The following ANXA4 variants were observed in gnomAD, a reference collection of about 807,000 sequenced individuals.
ANXA4 encodes 35-beta calcimedin.
In ANXA4, 39 loss-of-function variants were observed where a neutral mutation model predicts 49.8. The observed-to-expected ratio is 0.78, with a 90% CI of 0.61 to 1.02. The LOEUF (loss-of-function observed/expected upper bound fraction) is 1.02. Ranked by LOEUF, ANXA4 falls within the 50% of genes least tolerant of loss-of-function variation. The probability of loss-of-function intolerance (pLI) is 0.00; values close to 1 mark genes in which losing one functional copy is unlikely to be tolerated. For missense variants in ANXA4, 360 were observed against 410.1 expected, an observed-to-expected ratio of 0.88 and a Z score of 1.05; for synonymous variants, 134 against 152.5, an observed-to-expected ratio of 0.88 and a Z score of 0.89.
At chr2:69,739,558 A>T (rs1573172179), upstream of ANXA4, among the ~76,000 whole-genome samples, 1 of 150,142 alleles carries the variant, frequency 6.7e-6, no homozygotes, top group East Asian at 1.9e-4. Context: ...GGCGTGCGTC[A>T]CTAGGCTTGG....
In ANXA4 at chr2:69,804,733, G is replaced by A. The variant is rs184671767; in HGVS notation, c.192+106G>A. On this transcript the variant is annotated intron_variant, in intron 4 of 12. Transcript: ENST00000394295. ...AAGTGACCTTGTGTTTTAAAAGATC[G>A]ATCCTTTGTCTTGTTTAAAGATGTT... 3.1e-4 allele frequency: 307 copies of A among 992,380 alleles called. 1 individual carries two copies. The African/African-American group carries it at 3.5e-3, about 11-fold the overall frequency. The allele number at this position is 992,380 out of a possible 1,614,324, so 61.5% of individuals were successfully genotyped here.
intron 1 of ANXA4, among the ~76,000 whole-genome samples, chr2:69,648,025 T>G (rs1044074655): frequency 6.6e-6 from 1 of 152,234 alleles, no homozygotes; most frequent in African/African-American, 2.4e-5. Context: ...GGAAATGATT[T>G]GACCTGTGGT....
chr2:69,683,544 T>C (rs1559076218), intron 2 of ANXA4, among the ~76,000 whole-genome samples: 1 of 152,194 alleles, frequency 6.6e-6, no homozygotes, highest in Non-Finnish European at 1.5e-5. Flanking sequence ...TTACCTCTTC[T>C]GAGAAACCAA....
intron 1 of ANXA4, among the ~76,000 whole-genome samples, chr2:69,743,011 T>TTTTTG (rs1052556753): frequency 3.3e-5 from 5 of 152,162 alleles, no homozygotes; most frequent in South Asian, 2.1e-4. Context: ...GCCCTTTAAT[T>TTTTTG]TTTTGTTTTG....
At chr2:69,770,041 A>C (rs1408435465) in intron 1 of ANXA4, among the ~76,000 whole-genome samples, 2 of 152,200 alleles carry the variant, frequency 1.3e-5, no homozygotes, top group African/African-American at 4.8e-5. Context: ...AACTGGCCAA[A>C]ATATGGACAA....
chr2:69,699,840 T>G (rs919897339), intron 2 of ANXA4, among the ~76,000 whole-genome samples: 4 of 152,066 alleles, frequency 2.6e-5, no homozygotes, highest in African/African-American at 9.7e-5. Flanking sequence ...AAGAAAAAAT[T>G]TTCAGCACAT....
chr2:69,643,837 G>A (rs1313149130), upstream of ANXA4: 9 of 1,181,458 alleles, frequency 7.6e-6, no homozygotes, highest in Non-Finnish European at 9.4e-6. Flanking sequence ...GCGGCGCGGC[G>A]AGGGACCGGG....
intron 2 of ANXA4, among the ~76,000 whole-genome samples, chr2:69,690,965 G>C (rs1011456479): frequency 4.6e-5 from 7 of 152,106 alleles, no homozygotes; most frequent in Admixed American, 2.0e-4. Flanking sequence ...TAACAATAAT[G>C]GTAAATCATA....
At chr2:69,774,022 C>T (rs906097582) in intron 1 of ANXA4, among the ~76,000 whole-genome samples, 4 of 151,964 alleles carry the variant, frequency 2.6e-5, no homozygotes, top group African/African-American at 4.8e-5. Flanking sequence ...AGGGTTTCAC[C>T]GTGTTGGCCA....
At chr2:69,736,546 A>G (rs770926366) in intron 3 of ANXA4, among the ~76,000 whole-genome samples, 2 of 152,198 alleles carry the variant, frequency 1.3e-5, no homozygotes, top group Non-Finnish European at 2.9e-5. Context: ...TTAACTAATT[A>G]CCCTTCCCCA....
chr2:69,820,074 G>GA (rs201509115), intron 11 of ANXA4, among the ~76,000 whole-genome samples: 148 of 119,072 alleles, frequency 1.2e-3, no homozygotes, highest in African/African-American at 3.6e-3. Flanking sequence ...TCTCAAAAAA[G>GA]AAAAAAAAAA....
At chr2:69,682,013 A>G (rs1472734533) in intron 2 of ANXA4, among the ~76,000 whole-genome samples, 1 of 151,718 alleles carries the variant, frequency 6.6e-6, no homozygotes, top group Admixed American at 6.6e-5. Context: ...AACTTTTTTA[A>G]TGTTTTGTAG....
chr2:69,669,338 A>G (rs990302839), intron 2 of ANXA4, among the ~76,000 whole-genome samples: 1 of 151,396 alleles, frequency 6.6e-6, no homozygotes, highest in South Asian at 2.1e-4. Flanking sequence ...GGCCGGGCGC[A>G]GTGGCTCACG....
chr2:69,698,105 G>T (rs1402900795), intron 2 of ANXA4, among the ~76,000 whole-genome samples: 1 of 152,174 alleles, frequency 6.6e-6, no homozygotes, highest in Non-Finnish European at 1.5e-5. Flanking sequence ...GTCTGATGTG[G>T]CCTGCTTTCT....
chr2:69,767,346 C>T (rs1422519868), intron 1 of ANXA4, among the ~76,000 whole-genome samples: 1 of 152,182 alleles, frequency 6.6e-6, no homozygotes, highest in African/African-American at 2.4e-5. Flanking sequence ...TTCAGATACC[C>T]CGAAGTCATG....
At chr2:69,675,906 T>C (rs1262528009) in intron 2 of ANXA4, among the ~76,000 whole-genome samples, 3 of 151,372 alleles carry the variant, frequency 2.0e-5, no homozygotes, top group African/African-American at 4.9e-5. Flanking sequence ...TCTCGGGAGG[T>C]TGAGGCAGGA....
chr2:69,774,403 ATC>A (rs1345934054), intron 1 of ANXA4, among the ~76,000 whole-genome samples: 1 of 131,902 alleles, frequency 7.6e-6, no homozygotes, highest in Non-Finnish European at 1.6e-5. Context: ...CAGTGGCGCA[ATC>A]TCAGCTCACT....
At chr2:69,743,460 C>T (rs894438659) in intron 1 of ANXA4, among the ~76,000 whole-genome samples, 3 of 152,142 alleles carry the variant, frequency 2.0e-5, no homozygotes, top group Non-Finnish European at 4.4e-5. Flanking sequence ...TCAGGTGATC[C>T]ACCTGCCTTA....
intron 3 of ANXA4, among the ~76,000 whole-genome samples, chr2:69,723,509 C>A (rs1040538471): frequency 1.2e-4 from 18 of 152,110 alleles, no homozygotes; most frequent in Admixed American, 3.3e-4. Flanking sequence ...ACCATTGTTC[C>A]CTCTTCCTAG....
Sources: allele counts gnomAD v4.1 joint callset (sites outside exome capture counted in the v4.1 genomes callset), GRCh38; gene constraint gnomAD v4.1.1; transcripts MANE v1.5; gene names NCBI Gene and HGNC (gene_info 2026-07-23, HGNC 2026-07-21).